The following CDC37 variants were observed in gnomAD, a reference collection of about 807,000 sequenced individuals.
CDC37 encodes hsp90 co-chaperone Cdc37.
CDC37 carries 9 observed loss-of-function variants against 46.9 expected under a neutral mutation model. The ratio of observed to expected loss-of-function variants is 0.19; its 90% confidence interval spans 0.12 to 0.33. The LOEUF is 0.33. Among genes scored for constraint, CDC37 ranks in the 10% least tolerant of loss-of-function variants. CDC37 has a pLI of 1.00. For synonymous variants in CDC37, 193 were observed against 191.0 expected (o/e 1.01, Z -0.09); for missense variants, 388 against 514.6 (o/e 0.75, Z 2.38).
Position 10,393,613 on chromosome 19 carries a change from C to T in CDC37, c.727-172G>A. Reference sequence around the variant, plus strand: ...TGGGCTCCCCCGCCGGGGACCTCATCTGGCATTTGCCAAAGACCACCTGCT... The same window carrying T: ...TGGGCTCCCCCGCCGGGGACCTCATTTGGCATTTGCCAAAGACCACCTGCT... On this transcript the variant is annotated intron_variant, in intron 5 of 7. Transcript: ENST00000222005. The surrounding 1 kb of genome is among the most constrained non-coding windows in gnomAD (Gnocchi z 4.9). 1 of 642,352 alleles carries T rather than the reference C, an allele frequency of 1.6e-6. No individual in the cohort carries two copies. Among genetic ancestry groups the T allele is most frequent in the South Asian group, 2.2e-5 (1 of 45,488 alleles). The allele number at this position is 642,352 out of a possible 1,614,324, so 39.8% of individuals were successfully genotyped here.
intron 1 of CDC37, among the ~76,000 whole-genome samples, chr19:10,400,379 A>G (rs1272170849): frequency 6.6e-6 from 1 of 152,156 alleles, no homozygotes; most frequent in South Asian, 2.1e-4. Flanking sequence ...CCGCTTCTGG[A>G]AACTTTGAAA....
rs2145417980 is a variant in CDC37 at position 10,396,016 on chromosome 19, C to A, written c.290G>T (p.Ser97Ile). 6.2e-7 allele frequency: 1 copy of A among 1,613,978 alleles called. No individual in the cohort carries two copies. The highest frequency in any genetic ancestry group is 8.5e-7 in the Non-Finnish European group (1 of 1,179,936). ...CATCTCCTCCAGCTTCTGCTCCCAG[C>A]TCCGCTCCTCCTTGCGCAGCTGCTG... Reference protein sequence around the residue: ...EAQQLRKEERSWEQKLEEMRK... With the variant: ...EAQQLRKEERIWEQKLEEMRK... The change falls in exon 2 of 8, where the codon AGC becomes ATC. Residue 97 changes from serine (S) to isoleucine (I), a missense_variant. Around this residue, in one of 2 missense-constraint regions of CDC37, gnomAD observed 374 missense variants for 467.4 expected, o/e 0.80. Transcript: ENST00000222005. This position sits in a 1 kb window ranked among gnomAD's most constrained non-coding sequence, Gnocchi z 5.9.
Position 10,393,231 on chromosome 19 carries a change from GC to G in CDC37, c.909+27del, listed in dbSNP as rs771796103. 7.4e-6 allele frequency: 12 copies of G among 1,612,780 alleles called. No individual in the cohort carries two copies. In the South Asian group the frequency reaches 1.3e-4, roughly 18 times the overall value. On this transcript the variant is annotated intron_variant, in intron 6 of 7. Transcript: ENST00000222005. This position sits in a 1 kb window ranked among gnomAD's most constrained non-coding sequence, Gnocchi z 4.9. ...GGGGGGTCCCGCTCAGGGTCTTCCT[GC>G]TGCCCGCCTGGGCCGGGGAGCCCCA...
intron 5 of CDC37, 73 bp downstream of exon 5, chr19:10,394,948 C>A: frequency 1.4e-6 from 2 of 1,478,634 alleles, no homozygotes; most frequent in Non-Finnish European, 9.0e-7. Flanking sequence ...GAGGAGTCGG[C>A]CTTACCTAGA....
rs771877493 is a variant in CDC37 at position 10,395,096 on chromosome 19, T to C, written c.651A>G (p.Gln217=). The C allele has an allele frequency of 2.0e-5, 32 of 1,571,396 alleles. No homozygotes were observed. In the African/African-American group the frequency reaches 3.2e-4, roughly 16 times the overall value. ...GGCTCTTGGCCAGCTCCAGGATAAA[T>C]TGCATGACGATTGTCTGGTGGGCCA... ...EQVAHQTIVM[Q]FILELAKSLK... Residue 217 remains glutamine (Q), a synonymous_variant, in exon 5 of 8, where the codon CAA becomes CAG. Coordinates refer to ENST00000222005, the MANE Select transcript of CDC37 (RefSeq NM_007065.4).
rs113284665 is a variant in CDC37 at position 10,403,376 on chromosome 19, A to G, written c.102+2T>C. 1.9e-5 allele frequency: 30 copies of G among 1,610,534 alleles called. No homozygotes were observed. ...GGAAAGGGATGGGCGCGCGCGCCTT[A>G]CCTGATGCCGCCAGCGGAAGAGACT... is the stretch of plus-strand genomic sequence containing the variant. On this transcript the variant is annotated splice_donor_variant, in intron 1 of 7. Coordinates refer to ENST00000222005, the MANE Select transcript of CDC37 (RefSeq NM_007065.4). LOFTEE classifies it high-confidence loss of function.
chr19:10,394,357 C>G (rs974997669), intron 5 of CDC37, among the ~76,000 whole-genome samples: 1 of 151,808 alleles, frequency 6.6e-6, no homozygotes, highest in Non-Finnish European at 1.5e-5. Context: ...TCCTACTGCT[C>G]CCACATTTTT....
chr19:10,403,343 G>T, intron 1 of CDC37, 35 bp downstream of exon 1: 2 of 1,517,042 alleles, frequency 1.3e-6, no homozygotes, highest in Non-Finnish European at 1.8e-6. Context: ...AGCGGGGTCC[G>T]GGAGTGGGGA....
chr19:10,392,071 A>T (rs1402523153), intron 7 of CDC37, among the ~76,000 whole-genome samples: 24 of 152,176 alleles, frequency 1.6e-4, no homozygotes, highest in Non-Finnish European at 2.9e-5. Flanking sequence ...CAAAGCACTG[A>T]GATTACAGGC....
chr19:10,395,581 G>T, intron 2 of CDC37, 38 bp from the exon 3 acceptor site: 2 of 1,511,690 alleles, frequency 1.3e-6, no homozygotes, highest in Non-Finnish European at 9.2e-7. Flanking sequence ...CTGGGGCAAG[G>T]CTGCGGAGCG....
intron 2 of CDC37, 25 bp downstream of exon 2, chr19:10,395,903 T>TAACCCCCCCCCCCCCC: frequency 6.4e-7 from 1 of 1,573,926 alleles, no homozygotes; most frequent in South Asian, 1.1e-5. Context: ...GCATGCGCAC[T>TAACCCCCCCCCCCCCC]GCCCGCCCCG....
At chr19:10,394,542 T>G (rs1284533984) in intron 5 of CDC37, among the ~76,000 whole-genome samples, 1 of 151,954 alleles carries the variant, frequency 6.6e-6, no homozygotes, top group South Asian at 2.1e-4. Context: ...ATTTATTTAT[T>G]TATTTATTTT....
At chr19:10,402,300 T>A (rs1465999558) in intron 1 of CDC37, among the ~76,000 whole-genome samples, 1 of 151,624 alleles carries the variant, frequency 6.6e-6, no homozygotes, top group Non-Finnish European at 1.5e-5. Flanking sequence ...TGGTGGGACA[T>A]GGATCACCCA....
At chr19:10,400,104 G>T (rs766482026) in intron 1 of CDC37, among the ~76,000 whole-genome samples, 1 of 152,078 alleles carries the variant, frequency 6.6e-6, no homozygotes, top group South Asian at 2.1e-4. Flanking sequence ...GCTAAAAAAG[G>T]CCTCTTGGAG....
At chr19:10,401,375 TCAGCGG>T (rs1257030346) in intron 1 of CDC37, among the ~76,000 whole-genome samples, 2 of 152,122 alleles carry the variant, frequency 1.3e-5, no homozygotes, top group Non-Finnish European at 2.9e-5. Context: ...ACCGGGGTTC[TCAGCGG>T]CAGGACAGGA....
In CDC37 at chr19:10,391,601, A is replaced by G. The variant is rs765979500; in HGVS notation, c.1087T>C (p.Leu363=). 5 of 1,614,074 alleles carry G rather than the reference A, an allele frequency of 3.1e-6. No individual in the cohort carries two copies. Among genetic ancestry groups the G allele is most frequent in the Non-Finnish European group, 4.2e-6 (5 of 1,180,036 alleles). The change falls in exon 8 of 8, where the codon TTA becomes CTA. Residue 363 remains leucine, a synonymous_variant. Transcript: ENST00000222005. ...CCCGTCTTGGGAACAGCTTCCAGTA[A>G]TGGGTCCCCAGGACCTGCCTCCTCT... ...EGEEAGPGDP[L]LEAVPKTGDE...
intron 1 of CDC37, among the ~76,000 whole-genome samples, chr19:10,397,875 C>T (rs1017116944): frequency 7.2e-5 from 11 of 152,106 alleles, no homozygotes; most frequent in Non-Finnish European, 2.9e-5. Flanking sequence ...CCTCTTTCTC[C>T]TTATAACAGT....
Position 10,393,306 on chromosome 19 carries a change from C to T in CDC37, c.862G>A (p.Gly288Ser), listed in dbSNP as rs772569186. Residue 288 changes from glycine (G) to serine (S), a missense_variant, in exon 6 of 8, where the codon GGC becomes AGC. By Grantham distance (56) the Gly-to-Ser change is moderately conservative (BLOSUM62 0). Around this residue, in one of 2 missense-constraint regions of CDC37, gnomAD observed 374 missense variants for 467.4 expected, o/e 0.80. Coordinates refer to ENST00000222005, the MANE Select transcript of CDC37 (RefSeq NM_007065.4). This position sits in a 1 kb window ranked among gnomAD's most constrained non-coding sequence, Gnocchi z 4.9. ...YEEEERKKRL[G>S]PGGLDPVEVY... ...TCGACGGGGTCCAGGCCGCCGGGGC[C>T]GAGCCGCTTCTTGCGCTCCTCCTCC... The T allele has an allele frequency of 1.2e-5, 19 of 1,613,600 alleles. No individual in the cohort carries two copies. In the Admixed American group the frequency reaches 2.2e-4, roughly 18 times the overall value.
At chr19:10,399,284 C>T (rs1284271098) in intron 1 of CDC37, among the ~76,000 whole-genome samples, 1 of 151,578 alleles carries the variant, frequency 6.6e-6, no homozygotes, top group Non-Finnish European at 1.5e-5. Context: ...GCCTGGCCAA[C>T]ATGGTGAAAC....
Sources: allele counts gnomAD v4.1 joint callset (sites outside exome capture counted in the v4.1 genomes callset), GRCh38; gene constraint gnomAD v4.1.1; regional missense constraint gnomAD v4.1.1; non-coding constraint Gnocchi (gnomAD v3.1); transcripts MANE v1.5; gene names NCBI Gene and HGNC (gene_info 2026-07-23, HGNC 2026-07-21).